Variants in NTN4 observed in about 807,000 individuals in gnomAD.
The protein encoded by NTN4 is netrin-4.
Under a neutral mutation model 73.6 loss-of-function variants are expected in NTN4, and 32 were observed. That is an observed-to-expected ratio of 0.44 (90% CI 0.33 to 0.58). The LOEUF is 0.58. Ranked by LOEUF, NTN4 falls within the 20% of genes least tolerant of loss-of-function variation. The probability of loss-of-function intolerance (pLI) is 0.04; values close to 1 mark genes in which losing one functional copy is unlikely to be tolerated. For synonymous variants in NTN4, 258 were observed against 287.5 expected, an observed-to-expected ratio of 0.90 and a Z score of 1.04; for missense variants, 654 against 798.3, an observed-to-expected ratio of 0.82 and a Z score of 2.18.
At chr12:95,719,877 A>G (rs1252358128) in intron 3 of NTN4, among the ~76,000 whole-genome samples, 1 of 152,196 alleles carries the variant, frequency 6.6e-6, no homozygotes, top group Non-Finnish European at 1.5e-5. Flanking sequence ...CTCTTGCCCA[A>G]TAATATAAGT....
chr12:95,735,847 CTTACT>C (rs1233626222), intron 3 of NTN4, among the ~76,000 whole-genome samples: 22 of 151,746 alleles, frequency 1.4e-4, no homozygotes, highest in African/African-American at 5.3e-4. Flanking sequence ...ATTTAGAGGA[CTTACT>C]TTAAAAAAAG....
At chr12:95,700,799 TTTC>T (rs2078479129) in intron 5 of NTN4, among the ~76,000 whole-genome samples, 1 of 139,370 alleles carries the variant, frequency 7.2e-6, no homozygotes, top group African/African-American at 2.7e-5. Flanking sequence ...CCCTTTCTTT[TTTC>T]TTTCTTTCTT....
chr12:95,757,269 G>A (rs35886064), intron 2 of NTN4, among the ~76,000 whole-genome samples: 32,511 of 151,872 alleles, frequency 0.21, 4,118 homozygotes, highest in Non-Finnish European at 0.29. Context: ...CTATGATGTG[G>A]TATTATCCAT....
In NTN4 at chr12:95,672,598, C is replaced by G. The variant is rs1186981925; in HGVS notation, c.1511-2452G>C. 12 of 1,527,016 alleles carry G rather than the reference C, an allele frequency of 7.9e-6. No homozygotes were observed. The East Asian group carries it at 9.0e-5, about 11-fold the overall frequency. The allele number at this position is 1,527,016 out of a possible 1,614,324, so 94.6% of individuals were successfully genotyped here. A position where few individuals can be genotyped will look rare whatever the true frequency, so the allele number is the denominator to read the frequency against. On this transcript the variant is annotated intron_variant, in intron 7 of 9. Coordinates refer to ENST00000343702, the MANE Select transcript of NTN4 (RefSeq NM_021229.4). ...GGCACTATGGGGGTCTGACCGATCT[C>G]GGTAAAGCAGAAACTGCTGCAAAGC...
intron 7 of NTN4, among the ~76,000 whole-genome samples, chr12:95,681,188 CAAAAA>C (rs11366396): frequency 1.0e-5 from 1 of 95,508 alleles, no homozygotes. Flanking sequence ...GACTTTGTCT[CAAAAA>C]AAAAAAAAAA....
chr12:95,695,060 G>A (rs1592669791), intron 5 of NTN4, among the ~76,000 whole-genome samples: 1 of 151,928 alleles, frequency 6.6e-6, no homozygotes, highest in African/African-American at 2.4e-5. Flanking sequence ...CCTGGGAGGT[G>A]AAGGTTGCAG....
chr12:95,786,869 TAA>T, intron 2 of NTN4, 68 bp downstream of exon 2: 1 of 1,207,404 alleles, frequency 8.3e-7, no homozygotes, highest in Admixed American at 2.2e-5. Context: ...CTTCATGCTT[TAA>T]AAAAAAATGC....
intron 5 of NTN4, among the ~76,000 whole-genome samples, chr12:95,692,478 T>C (rs76869524): frequency 0.065 from 9,918 of 152,288 alleles, 424 homozygotes; most frequent in East Asian, 0.21. Flanking sequence ...TTTAGATAAT[T>C]GCTGAATATG....
At position 95,658,594 on chromosome 12, in the gene NTN4, A is replaced by G. The variant is rs2078110001; in HGVS notation, c.*492T>C. The G allele has an allele frequency of 6.5e-6, 1 of 152,790 alleles. No individual in the cohort carries two copies. The highest frequency in any genetic ancestry group is 2.4e-5 in the African/African-American group (1 of 41,474). 9.5% of individuals were successfully genotyped at this position (152,790 alleles called of 1,614,324 possible). ...AGTGCTTTATACAAGGAAATACTAT[A>G]TACACATGGAGAGGTTCCATTTAAC... On this transcript the variant is annotated 3_prime_UTR_variant, in exon 10 of 10. Coordinates refer to ENST00000343702, the MANE Select transcript of NTN4 (RefSeq NM_021229.4).
intron 3 of NTN4, among the ~76,000 whole-genome samples, chr12:95,731,829 T>C (rs749911279): frequency 4.6e-5 from 7 of 152,158 alleles, no homozygotes; most frequent in Non-Finnish European, 8.8e-5. Context: ...AATGTAATTG[T>C]GGCTCTACCC....
At chr12:95,746,188 C>G (rs1224932615) in intron 2 of NTN4, among the ~76,000 whole-genome samples, 2 of 152,178 alleles carry the variant, frequency 1.3e-5, no homozygotes, top group Non-Finnish European at 2.9e-5. Flanking sequence ...TCCAAGAATG[C>G]AATTAACTGA....
At chr12:95,697,850 G>T (rs2078453949) in intron 5 of NTN4, among the ~76,000 whole-genome samples, 1 of 151,826 alleles carries the variant, frequency 6.6e-6, no homozygotes, top group Non-Finnish European at 1.5e-5. Context: ...TGTGAACATG[G>T]GCAAATTATA....
intron 2 of NTN4, chr12:95,740,024 G>A (rs2078811856): frequency 6.6e-6 from 1 of 152,238 alleles, no homozygotes; most frequent in Non-Finnish European, 1.5e-5. Flanking sequence ...TGGTGTGCAT[G>A]ACACCACAGT....
chr12:95,774,173 CTCTT>C (rs2079075779), intron 2 of NTN4, among the ~76,000 whole-genome samples: 1 of 79,450 alleles, frequency 1.3e-5, no homozygotes, highest in Non-Finnish European at 2.4e-5. Context: ...TAGTTTTTCT[CTCTT>C]TTTTTTTTTA....
chr12:95,700,118 T>TTTTTTTTTTTTCC (rs2078473533), intron 5 of NTN4, among the ~76,000 whole-genome samples: 1 of 115,394 alleles, frequency 8.7e-6, no homozygotes. Flanking sequence ...TTTTTTTTAC[T>TTTTTTTTTTTTCC]TAGGGTCTCA....
chr12:95,738,253 A>G, intron 2 of NTN4, 109 bp from the exon 3 acceptor site: 3 of 1,054,384 alleles, frequency 2.8e-6, no homozygotes, highest in Non-Finnish European at 2.8e-6. Context: ...TCTGTGAACG[A>G]TAAGATAACA....
intron 3 of NTN4, 41 bp from the exon 4 acceptor site, chr12:95,713,379 G>A (rs755124048): frequency 2.6e-5 from 40 of 1,517,684 alleles, no homozygotes; most frequent in Middle Eastern, 1.8e-4. Context: ...CACACATGTC[G>A]CCAAAGAAGA....
intron 3 of NTN4, among the ~76,000 whole-genome samples, chr12:95,723,024 T>C (rs1376722826): frequency 6.7e-6 from 1 of 149,070 alleles, no homozygotes; most frequent in Non-Finnish European, 1.5e-5. Flanking sequence ...ACTATATAAT[T>C]GGCTCAAGAG....
intron 7 of NTN4, among the ~76,000 whole-genome samples, chr12:95,676,406 C>T (rs2078273639): frequency 6.6e-6 from 1 of 150,778 alleles, no homozygotes; most frequent in East Asian, 2.1e-4. Context: ...TGTGCCCAGC[C>T]CCGGGTAAAA....
Sources: gnomAD v4.1 joint callset for allele counts (sites outside exome capture counted in the v4.1 genomes callset) on GRCh38, gnomAD v4.1.1 for gene constraint, MANE v1.5 for transcripts, NCBI Gene and HGNC (gene_info 2026-07-23, HGNC 2026-07-21) for gene names.